FETUB: variants seen among roughly 807,000 people sequenced by gnomAD.
The protein encoded by FETUB is fetuin B.
In FETUB, 28 loss-of-function variants were observed where a neutral mutation model predicts 30.9. The ratio of observed to expected loss-of-function variants is 0.90; its 90% confidence interval spans 0.67 to 1.24. The LOEUF (loss-of-function observed/expected upper bound fraction) is 1.24. FETUB is among the 50% of genes most tolerant of loss of function. The pLI, the probability that FETUB is intolerant of heterozygous loss-of-function variation, is 0.00. For missense variants in FETUB, 469 were observed against 455.3 expected (o/e 1.03, Z -0.27); for synonymous variants, 186 against 175.9 (o/e 1.06, Z -0.45).
At chr3:186,640,816 C>A in intron 1 of FETUB, 131 bp downstream of exon 1, 2 of 793,960 alleles carry the variant, frequency 2.5e-6, no homozygotes, top group Non-Finnish European at 4.3e-6. Context: ...ACTCTCTGTT[C>A]TCCTCTGCCA....
chr3:186,645,641 T>C (rs142403242), intron 4 of FETUB, among the ~76,000 whole-genome samples: 1,780 of 146,626 alleles, frequency 0.012, 16 homozygotes, highest in Middle Eastern at 0.056. Flanking sequence ...ATTTCTTTCA[T>C]AAGCAGAAAA....
At chr3:186,643,354 G>C (rs80287584) in intron 3 of FETUB, among the ~76,000 whole-genome samples, 2,805 of 152,196 alleles carry the variant, frequency 0.018, 81 homozygotes, top group African/African-American at 0.054. Context: ...TCAAGGGAAG[G>C]TCTTTGGAAA....
intron 4 of FETUB, among the ~76,000 whole-genome samples, chr3:186,645,721 CTTTTTTT>C (rs35992832): frequency 1.3e-5 from 1 of 79,580 alleles, no homozygotes; most frequent in Non-Finnish European, 2.2e-5. Flanking sequence ...CCATTCAAAT[CTTTTTTT>C]TTTTTTTTTT....
At chr3:186,637,759 GT>G (rs1214941235), upstream of FETUB, among the ~76,000 whole-genome samples, 1 of 152,264 alleles carries the variant, frequency 6.6e-6, no homozygotes, top group African/African-American at 2.4e-5. Context: ...ACTGACAGCT[GT>G]CCTTGGACAT....
upstream of FETUB, among the ~76,000 whole-genome samples, chr3:186,637,409 A>G (rs1274471083): frequency 6.6e-6 from 1 of 152,144 alleles, no homozygotes; most frequent in Non-Finnish European, 1.5e-5. Context: ...TTAGGCCAAG[A>G]CTTGGTACCT....
chr3:186,647,433 G>C (rs62292569), intron 5 of FETUB, among the ~76,000 whole-genome samples: 4,627 of 152,220 alleles, frequency 0.03, 90 homozygotes, highest in Non-Finnish European at 0.047. Flanking sequence ...CACTGTGAAT[G>C]CATCAGTTTT....
chr3:186,650,675 C>T (rs116606305), intron 5 of FETUB, among the ~76,000 whole-genome samples: 2 of 152,022 alleles, frequency 1.3e-5, no homozygotes, highest in Admixed American at 1.3e-4. Flanking sequence ...GGAAGGAAAT[C>T]AAATCACTGC....
chr3:186,640,570 A>G lies in FETUB; in HGVS notation c.110A>G (p.Asn37Ser), dbSNP rs201789536. 8 of 1,614,072 alleles carry G rather than the reference A, an allele frequency of 5.0e-6. No individual in the cohort carries two copies. The highest frequency in any genetic ancestry group is 5.9e-6 in the Non-Finnish European group (7 of 1,180,032). The change falls in exon 1 of 7, where the codon AAT becomes AGT. Residue 37 changes from asparagine (N) to serine (S), a missense_variant. Physicochemically the swap from Asn to Ser is conservative, Grantham distance 46. Transcript: ENST00000265029. ...NPSALLSRGCNDSDVLAVAGF... is the reference protein window; with the variant it reads ...NPSALLSRGCSDSDVLAVAGF... ...TCGGCTCTGCTCTCCCGGGGCTGCA[A>G]TGACTCAGATGTGCTGGCAGTTGCA... is the stretch of plus-strand genomic sequence containing the variant.
upstream of FETUB, among the ~76,000 whole-genome samples, chr3:186,640,171 C>T (rs1716919984): frequency 6.6e-6 from 1 of 152,220 alleles, no homozygotes; most frequent in African/African-American, 2.4e-5. Context: ...AGAATCTAAT[C>T]ATAAGAGCCT....
Position 186,642,489 on chromosome 3 carries a change from G to A in FETUB, c.355G>A (p.Ala119Thr). The stretch of plus-strand genomic sequence containing the variant: ...GTTTCAGGTTTATGGTCAATGCAAA[G>A]CAATATTTTATATGAACAACCCAAG... ...FFESVYGQCK[A>T]IFYMNNPSRV... Residue 119 changes from alanine to threonine, a missense_variant, in exon 3 of 7, where the codon GCA becomes ACA. By Grantham distance (58) the Ala-to-Thr change is moderately conservative (BLOSUM62 0). Transcript: ENST00000265029. 1.2e-6 allele frequency: 2 copies of A among 1,605,376 alleles called. No individual in the cohort carries two copies. The highest frequency in any genetic ancestry group is 1.3e-5 in the African/African-American group (1 of 74,784).
At chr3:186,651,533 G>C (rs2108549140) in intron 6 of FETUB, 2 of 513,252 alleles carry the variant, frequency 3.9e-6, no homozygotes, top group South Asian at 2.4e-5. Flanking sequence ...ACAGGGAACT[G>C]CTGGCTTGGA....
Position 186,640,483 on chromosome 3 carries a change from C to T in FETUB, c.23C>T (p.Ala8Val), listed in dbSNP as rs942429963. 3.1e-6 allele frequency: 5 copies of T among 1,614,046 alleles called. No homozygotes were observed. In the Admixed American group the frequency reaches 5.0e-5, roughly 16 times the overall value. The change falls in exon 1 of 7, where the codon GCA (alanine) becomes GTA (valine). Residue 8 changes from alanine to valine, a missense_variant. Ala to Val is a moderately conservative substitution (Grantham distance 64). Coordinates refer to ENST00000265029, the MANE Select transcript of FETUB (RefSeq NM_014375.3). Reference sequence around the variant, plus strand: ...AGAATGGGTCTGCTCCTTCCCCTGGCACTCTGCATCCTAGTCCTGTGCTGC... The same window carrying T: ...AGAATGGGTCTGCTCCTTCCCCTGGTACTCTGCATCCTAGTCCTGTGCTGC... MGLLLPL[A>V]LCILVLCCGA... is the part of the protein sequence containing the mutation.
intron 6 of FETUB, 48 bp downstream of exon 6, chr3:186,651,349 A>G (rs751728732): frequency 5.6e-6 from 7 of 1,245,820 alleles, no homozygotes. Flanking sequence ...AGAGCAGATT[A>G]TCGATAGTTA....
At chr3:186,637,739 C>T (rs568361035), upstream of FETUB, among the ~76,000 whole-genome samples, 4 of 152,394 alleles carry the variant, frequency 2.6e-5, no homozygotes, top group African/African-American at 9.6e-5. Context: ...CCACAGGGTA[C>T]AGTCACAGCA....
upstream of FETUB, among the ~76,000 whole-genome samples, chr3:186,638,541 C>A (rs62292568): frequency 7.2e-5 from 11 of 152,170 alleles, no homozygotes; most frequent in African/African-American, 2.4e-4. Context: ...TCCCCTGCTT[C>A]CTCTCCCAGG....
intron 6 of FETUB, 92 bp downstream of exon 6, chr3:186,651,393 C>G: frequency 1.2e-6 from 1 of 857,744 alleles, no homozygotes; most frequent in Non-Finnish European, 1.9e-6. Flanking sequence ...TTTGATTTTC[C>G]CAACCACCTT....
upstream of FETUB, among the ~76,000 whole-genome samples, chr3:186,638,052 T>A (rs77332852): frequency 0.014 from 2,078 of 152,372 alleles, 54 homozygotes; most frequent in African/African-American, 0.048. Context: ...AATCACATAT[T>A]GAAATTATAA....
intron 5 of FETUB, among the ~76,000 whole-genome samples, chr3:186,648,587 A>G (rs1487556939): frequency 6.6e-6 from 1 of 152,206 alleles, no homozygotes; most frequent in Admixed American, 6.5e-5. Context: ...TCAACGTTGA[A>G]AGTACTGTCA....
chr3:186,644,739 T>C lies in FETUB; in HGVS notation c.425-12T>C, dbSNP rs1717350401. On this transcript the variant is annotated splice_polypyrimidine_tract_variant and intron_variant, in intron 3 of 6. Coordinates refer to ENST00000265029, the MANE Select transcript of FETUB (RefSeq NM_014375.3). ...AATAGCATTTAAAAACTTATGTTATTGGCATCAACAGTTTCAAAAAAAAAG... is the reference window on the plus strand; with the variant it reads ...AATAGCATTTAAAAACTTATGTTATCGGCATCAACAGTTTCAAAAAAAAAG... The C allele has an allele frequency of 6.3e-7, 1 of 1,584,220 alleles. No individual in the cohort carries two copies. Among genetic ancestry groups the C allele is most frequent in the Non-Finnish European group, 8.6e-7 (1 of 1,168,798 alleles).
Sources: allele counts gnomAD v4.1 joint callset (sites outside exome capture counted in the v4.1 genomes callset), GRCh38; gene constraint gnomAD v4.1.1; transcripts MANE v1.5; gene names NCBI Gene and HGNC (gene_info 2026-07-23, HGNC 2026-07-21).